Variants in THAP4 observed in about 807,000 individuals in gnomAD.
The protein encoded by THAP4 is THAP domain containing 4.
THAP4 carries 18 observed loss-of-function variants against 48.1 expected under a neutral mutation model. The observed-to-expected ratio is 0.37, with a 90% CI of 0.26 to 0.56. The LOEUF is 0.56. Ranked by LOEUF, THAP4 falls within the 20% of genes least tolerant of loss-of-function variation. The pLI is 0.78. For missense variants in THAP4, 656 were observed against 774.9 expected (o/e 0.85, Z 1.82); for synonymous variants, 345 against 324.9 (o/e 1.06, Z -0.66).
intron 2 of THAP4, among the ~76,000 whole-genome samples, chr2:241,614,683 C>G (rs1214204528): frequency 6.6e-6 from 1 of 152,014 alleles, no homozygotes. Context: ...GTCAGGAGTT[C>G]GAGACCAGCC....
chr2:241,621,958 C>A (rs2067433651), intron 2 of THAP4, among the ~76,000 whole-genome samples: 1 of 151,762 alleles, frequency 6.6e-6, no homozygotes, highest in African/African-American at 2.4e-5. Context: ...AAAAACCAAA[C>A]CAAACCAAAA....
rs757959702 is a variant in THAP4, at chr2:241,585,031, G to A, written c.1615-306C>T. 4.6e-5 allele frequency: 15 copies of A among 323,584 alleles called. 1 individual carries two copies. Among genetic ancestry groups the A allele is most frequent in the South Asian group, 2.5e-4 (7 of 27,630 alleles). 20.0% of individuals were successfully genotyped at this position (323,584 alleles called of 1,614,324 possible). A position where few individuals can be genotyped will look rare whatever the true frequency, so the allele number is the denominator to read the frequency against. ...CTGACCTCGGAAGCTAAGGAGGGTC[G>A]GGCCTGGTTAGTACTTGGATGGGAG... On this transcript the variant is annotated intron_variant, in intron 5 of 5. Coordinates refer to ENST00000407315, the MANE Select transcript of THAP4 (RefSeq NM_015963.6).
rs1159155878 is a variant in THAP4, at chr2:241,633,288, G to C, written c.869C>G (p.Thr290Ser). 6.2e-7 allele frequency: 1 copy of C among 1,611,956 alleles called. No individual in the cohort carries two copies. Among genetic ancestry groups the C allele is most frequent in the African/African-American group, 1.3e-5 (1 of 74,918 alleles). ...LAQSPPSSSLTATPQKPSQSP... is the reference protein window; with the variant it reads ...LAQSPPSSSLSATPQKPSQSP... ...CTGGGAAGGCTTCTGCGGTGTCGCG[G>C]TAAGTGATGAGCTGGGAGGGCTCTG... Residue 290 changes from threonine to serine, a missense_variant, in exon 2 of 6, where the codon ACC becomes AGC. By Grantham distance (58) the Thr-to-Ser change is moderately conservative. Coordinates refer to ENST00000407315, the MANE Select transcript of THAP4 (RefSeq NM_015963.6). This position sits in a 1 kb window ranked among gnomAD's most constrained non-coding sequence, Gnocchi z 7.5.
intron 3 of THAP4, among the ~76,000 whole-genome samples, chr2:241,604,220 C>T (rs2067152102): frequency 6.6e-6 from 1 of 151,438 alleles, no homozygotes; most frequent in Non-Finnish European, 1.5e-5. Flanking sequence ...ATTACAGGCG[C>T]CCACCACACC....
In THAP4 at chr2:241,610,704, G is replaced by A. The variant is rs2067260171; in HGVS notation, c.1241-4231C>T. Reference sequence around the variant, plus strand: ...TTTCCCTCCCACCACCCACCGTGGAGTCCTCTCCGGGAGGCCCTGTCCTCC... The same window carrying A: ...TTTCCCTCCCACCACCCACCGTGGAATCCTCTCCGGGAGGCCCTGTCCTCC... On this transcript the variant is annotated intron_variant, in intron 2 of 5. Transcript: ENST00000407315. The surrounding 1 kb of genome is among the most constrained non-coding windows in gnomAD (Gnocchi z 4.2). Among the ~76,000 whole-genome samples the A allele has an allele frequency of 6.6e-6, 1 of 152,068 alleles. No homozygotes were observed. The highest frequency in any genetic ancestry group is 6.5e-5 in the Admixed American group (1 of 15,276).
intron 2 of THAP4, among the ~76,000 whole-genome samples, chr2:241,631,421 A>ATCT (rs922816938): frequency 7.2e-5 from 11 of 152,240 alleles, no homozygotes; most frequent in African/African-American, 2.4e-4. Flanking sequence ...TAACAGTAAA[A>ATCT]TATGGGAAAA....
Position 241,637,024 on chromosome 2 carries a change from C to T in THAP4, c.-7G>A. 7.9e-7 allele frequency: 1 copy of T among 1,263,686 alleles called. No individual in the cohort carries two copies. Among genetic ancestry groups the T allele is most frequent in the Admixed American group, 2.4e-5 (1 of 41,618 alleles). The allele number at this position is 1,263,686 out of a possible 1,614,324, so 78.3% of individuals were successfully genotyped here. On this transcript the variant is annotated 5_prime_UTR_variant, in exon 1 of 6. Transcript: ENST00000407315. ...CCGCACAGCAGATCACCATCGCGGGCCTTGGCCCAGCCGCGCAGCCAGGCC... is the reference window on the plus strand; with the variant it reads ...CCGCACAGCAGATCACCATCGCGGGTCTTGGCCCAGCCGCGCAGCCAGGCC...
rs575741940 is a variant in THAP4, at chr2:241,616,543, C to T, written c.1241-10070G>A. Among the ~76,000 whole-genome samples the T allele has an allele frequency of 3.9e-5, 6 of 152,256 alleles. No homozygotes were observed. Among genetic ancestry groups the T allele is most frequent in the East Asian group, 1.9e-4 (1 of 5,180 alleles). On this transcript the variant is annotated intron_variant, in intron 2 of 5. Transcript: ENST00000407315. The surrounding 1 kb of genome is among the most constrained non-coding windows in gnomAD (Gnocchi z 4.6). ...TGCCAGGTCAGGGAAGCAAGTCCCG[C>T]GGGCCCTGGAGAGAAGCTACCCTGC...
At chr2:241,599,996 G>C (rs2067093132) in intron 5 of THAP4, among the ~76,000 whole-genome samples, 1 of 151,862 alleles carries the variant, frequency 6.6e-6, no homozygotes, top group Non-Finnish European at 1.5e-5. Context: ...ATCACTTGAG[G>C]TCAGGAGTTT....
At chr2:241,589,819 A>G (rs1413202347) in intron 5 of THAP4, among the ~76,000 whole-genome samples, 1 of 152,188 alleles carries the variant, frequency 6.6e-6, no homozygotes, top group African/African-American at 2.4e-5. Flanking sequence ...AAAACTGACA[A>G]GCTCACTGGT....
chr2:241,621,261 T>C (rs181360694), intron 2 of THAP4, among the ~76,000 whole-genome samples: 1 of 152,208 alleles, frequency 6.6e-6, no homozygotes, highest in East Asian at 1.9e-4. Context: ...GGTAGGAGAA[T>C]TGCTTGAGCC....
At chr2:241,588,543 A>G (rs1406669482) in intron 5 of THAP4, among the ~76,000 whole-genome samples, 2 of 152,254 alleles carry the variant, frequency 1.3e-5, no homozygotes, top group African/African-American at 4.8e-5. Flanking sequence ...TAAAGCTACA[A>G]TGATCAAGAC....
At chr2:241,630,795 A>G (rs1398904353) in intron 2 of THAP4, among the ~76,000 whole-genome samples, 1 of 151,854 alleles carries the variant, frequency 6.6e-6, no homozygotes. Flanking sequence ...AAAAAAAAAA[A>G]AATTCCGAGA....
At chr2:241,603,305 C>T (rs1026925725) in intron 3 of THAP4, among the ~76,000 whole-genome samples, 52 of 151,066 alleles carry the variant, frequency 3.4e-4, no homozygotes, top group African/African-American at 1.2e-3. Context: ...CACACCTGCC[C>T]GCCCCCTCCA....
chr2:241,637,542 G>C (rs1406147210), upstream of THAP4: 5 of 1,457,688 alleles, frequency 3.4e-6, no homozygotes. Flanking sequence ...GGCTCGCGTC[G>C]GCCCGGCCGT....
In THAP4 at chr2:241,610,841, G is replaced by C. The variant is rs1230564750; in HGVS notation, c.1241-4368C>G. ...GGACGGGGACAGAGACACAGAGACA[G>C]AGAGACAGGGCCAGAGAGACACGGG... On this transcript the variant is annotated intron_variant, in intron 2 of 5. Coordinates refer to ENST00000407315, the MANE Select transcript of THAP4 (RefSeq NM_015963.6). This position sits in a 1 kb window ranked among gnomAD's most constrained non-coding sequence, Gnocchi z 4.2. 6.7e-6 allele frequency among the ~76,000 whole-genome samples: 1 copy of C among 150,198 alleles called. No homozygotes were observed. Among genetic ancestry groups the C allele is most frequent in the Non-Finnish European group, 1.5e-5 (1 of 68,002 alleles).
intron 1 of THAP4, among the ~76,000 whole-genome samples, chr2:241,636,096 G>A (rs372997420): frequency 1.1e-4 from 16 of 152,330 alleles, no homozygotes; most frequent in Admixed American, 3.3e-4. Context: ...TGTCAAGAAA[G>A]TGCGCTGGCT....
chr2:241,626,256 C>A lies in THAP4; in HGVS notation c.1240+6661G>T, dbSNP rs1413276551. Among the ~76,000 whole-genome samples the A allele has an allele frequency of 2.6e-5, 4 of 152,222 alleles. No individual in the cohort carries two copies. In the East Asian group the frequency reaches 5.8e-4, roughly 22 times the overall value. ...AGGAGATCGAGACCAGCCTGGCCAA[C>A]ATGGTGAAATCCCATCTCTACTAAA... On this transcript the variant is annotated intron_variant, in intron 2 of 5. Coordinates refer to ENST00000407315, the MANE Select transcript of THAP4 (RefSeq NM_015963.6).
chr2:241,609,834 G>A (rs987479819), intron 2 of THAP4, among the ~76,000 whole-genome samples: 1 of 151,690 alleles, frequency 6.6e-6, no homozygotes, highest in Non-Finnish European at 1.5e-5. Flanking sequence ...TTTTTGGGCC[G>A]GCTCTCTGGC....
Sources: gnomAD v4.1 joint callset for allele counts (sites outside exome capture counted in the v4.1 genomes callset) on GRCh38, gnomAD v4.1.1 for gene constraint, Gnocchi (gnomAD v3.1) non-coding constraint, MANE v1.5 for transcripts, NCBI Gene and HGNC (gene_info 2026-07-23, HGNC 2026-07-21) for gene names.